SLC9A9: variants seen among roughly 807,000 people sequenced by gnomAD.
SLC9A9 encodes sodium/hydrogen exchanger 9.
Under a neutral mutation model 77.8 loss-of-function variants are expected in SLC9A9, and 62 were observed. That is an observed-to-expected ratio of 0.80 (90% confidence interval 0.65 to 0.98). SLC9A9 has a LOEUF of 0.98. Among genes scored for constraint, SLC9A9 ranks in the 50% least tolerant of loss-of-function variants. The probability of loss-of-function intolerance (pLI) is 0.00; values close to 1 mark genes in which losing one functional copy is unlikely to be tolerated. For synonymous variants in SLC9A9, 320 were observed against 283.5 expected (o/e 1.13, Z -1.29); for missense variants, 775 against 774.9 (o/e 1.00, Z 0.00).
chr3:143,537,208 T>C (rs532602211), intron 9 of SLC9A9, among the ~76,000 whole-genome samples: 7 of 152,358 alleles, frequency 4.6e-5, no homozygotes, highest in African/African-American at 1.7e-4. Context: ...GAGTTTAAAA[T>C]ACTGCAGCTG....
chr3:143,555,447 C>T (rs2036963893), intron 8 of SLC9A9, among the ~76,000 whole-genome samples: 1 of 152,144 alleles, frequency 6.6e-6, no homozygotes, highest in African/African-American at 2.4e-5. Context: ...TAGAGCAGTA[C>T]CAGGCACATG....
At chr3:143,822,785 A>C (rs1016302938) in intron 2 of SLC9A9, among the ~76,000 whole-genome samples, 4 of 151,398 alleles carry the variant, frequency 2.6e-5, no homozygotes, top group Non-Finnish European at 4.4e-5. Context: ...ACTCAGACTT[A>C]AAGTACAATG....
chr3:143,708,334 T>C (rs556995337), intron 4 of SLC9A9, among the ~76,000 whole-genome samples: 68 of 152,184 alleles, frequency 4.5e-4, no homozygotes, highest in African/African-American at 1.6e-3. Flanking sequence ...AGAGGAGCAA[T>C]GAAGGCAGTG....
intron 6 of SLC9A9, among the ~76,000 whole-genome samples, chr3:143,636,950 C>T (rs1444358858): frequency 6.6e-6 from 1 of 152,116 alleles, no homozygotes; most frequent in Non-Finnish European, 1.5e-5. Context: ...CCCTACCCAA[C>T]ATATGCAACA....
At chr3:143,613,206 A>T (rs953913229) in intron 6 of SLC9A9, among the ~76,000 whole-genome samples, 18 of 152,242 alleles carry the variant, frequency 1.2e-4, no homozygotes, top group Admixed American at 9.8e-4. Flanking sequence ...AAGAGGTCTG[A>T]GGTGTGCTCT....
At chr3:143,632,120 A>G (rs1163497373) in intron 6 of SLC9A9, among the ~76,000 whole-genome samples, 1 of 152,204 alleles carries the variant, frequency 6.6e-6, no homozygotes, top group East Asian at 1.9e-4. Flanking sequence ...TTGAGAGTCA[A>G]TGGTTCCAAA....
intron 4 of SLC9A9, among the ~76,000 whole-genome samples, chr3:143,735,772 G>A (rs946560849): frequency 1.3e-5 from 2 of 152,214 alleles, no homozygotes; most frequent in Non-Finnish European, 2.9e-5. Context: ...ACAGTATAAC[G>A]TTAGTGTGTA....
intron 6 of SLC9A9, among the ~76,000 whole-genome samples, chr3:143,643,894 ATCT>A (rs1423642869): frequency 6.6e-6 from 1 of 151,110 alleles, no homozygotes; most frequent in Non-Finnish European, 1.5e-5. Context: ...CTTATGGGTG[ATCT>A]TCTGATACAA....
At chr3:143,491,928 G>A (rs544069895) in intron 11 of SLC9A9, among the ~76,000 whole-genome samples, 2 of 152,212 alleles carry the variant, frequency 1.3e-5, no homozygotes, top group Admixed American at 6.5e-5. Context: ...GAGTGCTCAA[G>A]TTTACCTTTT....
At chr3:143,565,692 A>G (rs191952137) in intron 8 of SLC9A9, among the ~76,000 whole-genome samples, 1 of 150,970 alleles carries the variant, frequency 6.6e-6, no homozygotes, top group Non-Finnish European at 1.5e-5. Flanking sequence ...TGAACGCCTA[A>G]TATTTTGAGC....
intron 12 of SLC9A9, among the ~76,000 whole-genome samples, chr3:143,413,369 G>A (rs1171597697): frequency 1.3e-5 from 2 of 152,118 alleles, no homozygotes; most frequent in Admixed American, 1.3e-4. Flanking sequence ...ACAGTCCTGG[G>A]GGATGTTCAA....
chr3:143,775,070 C>A (rs2007646810), intron 4 of SLC9A9, among the ~76,000 whole-genome samples: 1 of 152,180 alleles, frequency 6.6e-6, no homozygotes, highest in Non-Finnish European at 1.5e-5. Context: ...AGAACCGTAC[C>A]TGCTGAGATC....
At chr3:143,279,315 G>A (rs561215902) in intron 14 of SLC9A9, among the ~76,000 whole-genome samples, 1 of 152,322 alleles carries the variant, frequency 6.6e-6, no homozygotes, top group African/African-American at 2.4e-5. Flanking sequence ...GATTTCAAGT[G>A]AGAACTTACA....
intron 13 of SLC9A9, among the ~76,000 whole-genome samples, chr3:143,369,527 T>C (rs1424353796): frequency 6.6e-6 from 1 of 152,144 alleles, no homozygotes; most frequent in Non-Finnish European, 1.5e-5. Context: ...AAATGAGAAA[T>C]GTTTGAGGTA....
intron 12 of SLC9A9, among the ~76,000 whole-genome samples, chr3:143,397,285 A>C (rs1013807550): frequency 3.3e-5 from 5 of 152,260 alleles, no homozygotes; most frequent in Non-Finnish European, 7.3e-5. Flanking sequence ...GATTTATCAG[A>C]GTCAAATGCA....
chr3:143,787,432 A>C (rs1433108937), intron 4 of SLC9A9, among the ~76,000 whole-genome samples: 10 of 152,182 alleles, frequency 6.6e-5, no homozygotes, highest in Non-Finnish European at 1.5e-5. Flanking sequence ...ATTTTGTTTT[A>C]ATTCCCCTGC....
intron 12 of SLC9A9, among the ~76,000 whole-genome samples, chr3:143,442,573 T>A (rs1278759463): frequency 2.0e-5 from 3 of 152,022 alleles, no homozygotes; most frequent in Non-Finnish European, 4.4e-5. Flanking sequence ...ATATAAAAAT[T>A]AGCCCAGTGT....
chr3:143,370,320 T>C (rs2033019578), intron 13 of SLC9A9, among the ~76,000 whole-genome samples: 1 of 152,152 alleles, frequency 6.6e-6, no homozygotes, highest in African/African-American at 2.4e-5. Context: ...ACATTTGTGG[T>C]ATAGAAGACA....
chr3:143,798,030 C>T (rs56174329), intron 2 of SLC9A9, among the ~76,000 whole-genome samples: 2,060 of 152,284 alleles, frequency 0.014, 47 homozygotes, highest in African/African-American at 0.047. Flanking sequence ...GATCCACCTA[C>T]GACCTCTGGT....
Sources: allele counts gnomAD v4.1 joint callset (sites outside exome capture counted in the v4.1 genomes callset), GRCh38; gene constraint gnomAD v4.1.1; transcripts MANE v1.5; gene names NCBI Gene and HGNC (gene_info 2026-07-23, HGNC 2026-07-21).